Variants in PABPC4L observed in about 807,000 individuals in gnomAD.
PABPC4L encodes polyadenylate-binding protein 4-like.
For missense variants in PABPC4L, 452 were observed against 451.4 expected, an observed-to-expected ratio of 1.00 and a Z score of -0.01; for synonymous variants, 169 against 164.1, an observed-to-expected ratio of 1.03 and a Z score of -0.23.
Position 134,197,754 on chromosome 4 carries a change from G to C in PABPC4L, c.*2153C>G, listed in dbSNP as rs1729710141. 6.6e-6 allele frequency: 1 copy of C among 151,530 alleles called. No individual in the cohort carries two copies. Among genetic ancestry groups the C allele is most frequent in the Non-Finnish European group, 1.5e-5 (1 of 67,612 alleles). The allele number at this position is 151,530 out of a possible 1,614,324, so 9.4% of individuals were successfully genotyped here. A position where few individuals can be genotyped will look rare whatever the true frequency, so the allele number is the denominator to read the frequency against. On this transcript the variant is annotated 3_prime_UTR_variant, in exon 2 of 2. Coordinates refer to ENST00000421491, the MANE Select transcript of PABPC4L (RefSeq NM_001114734.2). ...AAATAAAGCAATGATGAAATGGTTT[G>C]TTTTACATATCATGTTGAATTGACC...
the PABPC4L span, among the ~76,000 whole-genome samples, chr4:134,074,303 T>C: frequency 3.8e-3 from 573 of 152,256 alleles, 2 homozygotes; most frequent in African/African-American, 0.013. Context: ...ATCTTTACTC[T>C]AGTGCCTAAC....
At chr4:134,058,469 T>C in the PABPC4L span, among the ~76,000 whole-genome samples, 55 of 152,008 alleles carry the variant, frequency 3.6e-4, 2 homozygotes, top group Admixed American at 3.4e-3. Flanking sequence ...GCTTTAAAGA[T>C]GTTAGAAAGA....
the PABPC4L span, among the ~76,000 whole-genome samples, chr4:133,994,916 C>T: frequency 6.6e-6 from 1 of 152,166 alleles, no homozygotes; most frequent in Non-Finnish European, 1.5e-5. Flanking sequence ...CCCACTGTTC[C>T]CAGAGGCAGT....
chr4:134,075,419 A>T, the PABPC4L span, among the ~76,000 whole-genome samples: 46 of 152,164 alleles, frequency 3.0e-4, no homozygotes, highest in Admixed American at 9.2e-4. Context: ...GTAAATAAAT[A>T]AATTAATTAA....
the PABPC4L span, among the ~76,000 whole-genome samples, chr4:134,140,259 T>C: frequency 6.6e-6 from 1 of 151,812 alleles, no homozygotes; most frequent in Non-Finnish European, 1.5e-5. Flanking sequence ...CTATATAAGA[T>C]GATGGATATG....
At chr4:134,058,921 C>T in the PABPC4L span, among the ~76,000 whole-genome samples, 15 of 151,900 alleles carry the variant, frequency 9.9e-5, no homozygotes, top group African/African-American at 3.1e-4. Flanking sequence ...CTGATTTAGA[C>T]GAGCAGTGAA....
the PABPC4L span, among the ~76,000 whole-genome samples, chr4:134,170,944 T>A: frequency 6.6e-6 from 1 of 152,274 alleles, no homozygotes; most frequent in South Asian, 2.1e-4. Context: ...AATTTGCATT[T>A]CCCCCAGCAG....
At position 134,200,371 on chromosome 4, in the gene PABPC4L, G is replaced by C. The variant is rs547997386; in HGVS notation, c.649C>G (p.Leu217Val). 1.7e-4 allele frequency: 262 copies of C among 1,584,494 alleles called. 1 individual carries two copies. Among genetic ancestry groups the C allele is most frequent in the Non-Finnish European group, 2.2e-4 (255 of 1,163,828 alleles). Residue 217 changes from leucine (L) to valine (V), a missense_variant, in exon 2 of 2, where the codon CTG (leucine) becomes GTG (valine). Leu to Val is a conservative substitution (Grantham distance 32, BLOSUM62 1). Transcript: ENST00000421491. ...KDVFSKYGKT[L>V]SVKVMTDSSG... is the part of the protein sequence containing the mutation. Reference sequence around the variant, plus strand: ...GAATCTGTCATCACCTTAACACTCAGAGTTTTGCCATATTTGCTGAAAACG... The same window carrying C: ...GAATCTGTCATCACCTTAACACTCACAGTTTTGCCATATTTGCTGAAAACG...
chr4:134,164,038 C>G, the PABPC4L span, among the ~76,000 whole-genome samples: 3 of 151,444 alleles, frequency 2.0e-5, no homozygotes, highest in South Asian at 2.1e-4. Context: ...CCGAGGCGGG[C>G]GGATCACGAG....
At chr4:134,075,585 C>G in the PABPC4L span, among the ~76,000 whole-genome samples, 1 of 152,020 alleles carries the variant, frequency 6.6e-6, no homozygotes, top group Non-Finnish European at 1.5e-5. Context: ...CCAACATATT[C>G]CCCCAAGCGG....
chr4:133,998,165 G>A, the PABPC4L span, among the ~76,000 whole-genome samples: 1 of 150,996 alleles, frequency 6.6e-6, no homozygotes, highest in African/African-American at 2.4e-5. Context: ...CTATCCTATG[G>A]TTATAATTAT....
At chr4:134,007,430 C>A in the PABPC4L span, among the ~76,000 whole-genome samples, 1 of 151,612 alleles carries the variant, frequency 6.6e-6, no homozygotes, top group Non-Finnish European at 1.5e-5. Context: ...TCTTTAGTAA[C>A]CTTTAATAAT....
At chr4:134,172,715 G>A in the PABPC4L span, among the ~76,000 whole-genome samples, 31 of 151,868 alleles carry the variant, frequency 2.0e-4, no homozygotes, top group South Asian at 1.0e-3. Context: ...TATCTATATC[G>A]TTTAAAAGTC....
chr4:134,151,197 C>T, the PABPC4L span, among the ~76,000 whole-genome samples: 2 of 152,070 alleles, frequency 1.3e-5, no homozygotes, highest in East Asian at 1.9e-4. Flanking sequence ...TTGTTCTTGA[C>T]CTGTTTGTGA....
chr4:133,973,227 A>T, the PABPC4L span, among the ~76,000 whole-genome samples: 1 of 152,230 alleles, frequency 6.6e-6, no homozygotes, highest in East Asian at 1.9e-4. Flanking sequence ...CCCACAATTT[A>T]TTGGCTAAAG....
chr4:134,090,861 CT>C, the PABPC4L span, among the ~76,000 whole-genome samples: 2 of 151,940 alleles, frequency 1.3e-5, 1 homozygote, highest in Non-Finnish European at 2.9e-5. Context: ...AGCGTATTTA[CT>C]TGTATATTTG....
chr4:134,162,132 T>C, the PABPC4L span, among the ~76,000 whole-genome samples: 1 of 151,554 alleles, frequency 6.6e-6, no homozygotes, highest in Non-Finnish European at 1.5e-5. Context: ...AAAATAACTT[T>C]TAAACAAAGG....
At chr4:134,018,730 T>A in the PABPC4L span, among the ~76,000 whole-genome samples, 3 of 152,280 alleles carry the variant, frequency 2.0e-5, no homozygotes, top group East Asian at 5.8e-4. Context: ...TTGGTGATCA[T>A]ATACAACAAT....
At chr4:134,081,238 G>T in the PABPC4L span, among the ~76,000 whole-genome samples, 1 of 152,202 alleles carries the variant, frequency 6.6e-6, no homozygotes, top group South Asian at 2.1e-4. Context: ...AATAGATGTG[G>T]TGGAATGGGG....
Sources: gnomAD v4.1 joint callset for allele counts (sites outside exome capture counted in the v4.1 genomes callset) on GRCh38, gnomAD v4.1.1 for gene constraint, MANE v1.5 for transcripts, NCBI Gene and HGNC (gene_info 2026-07-23, HGNC 2026-07-21) for gene names.